The following IFT140 variants were observed in gnomAD, a reference collection of about 807,000 sequenced individuals.
IFT140 encodes intraflagellar transport 140, also known as intraflagellar transport protein 140 homolog.
IFT140 carries 133 observed loss-of-function variants against 164.6 expected under a neutral mutation model. The ratio of observed to expected loss-of-function variants is 0.81; its 90% confidence interval spans 0.70 to 0.93. The LOEUF is 0.93. Among genes scored for constraint, IFT140 ranks in the 40% least tolerant of loss-of-function variants. IFT140 has a pLI of 0.00. For synonymous variants in IFT140, 860 were observed against 817.3 expected (o/e 1.05, Z -0.89); for missense variants, 2,045 against 1,972.3 (o/e 1.04, Z -0.70).
chr16:1,559,672 T>G (rs948568636), intron 18 of IFT140, among the ~76,000 whole-genome samples: 4 of 152,250 alleles, frequency 2.6e-5, no homozygotes, highest in African/African-American at 9.6e-5. Flanking sequence ...TGACCACAGC[T>G]GGCTCCTGAT....
At chr16:1,516,168 A>AAAC (rs1596291185) in intron 30 of IFT140, among the ~76,000 whole-genome samples, 1 of 109,298 alleles carries the variant, frequency 9.1e-6, no homozygotes, top group African/African-American at 4.5e-5. Flanking sequence ...AAAAAAAAAA[A>AAAC]AAAAAAAAAA....
At chr16:1,555,961 C>T (rs1488611434) in intron 19 of IFT140, among the ~76,000 whole-genome samples, 1 of 152,048 alleles carries the variant, frequency 6.6e-6, no homozygotes, top group Admixed American at 6.6e-5. Flanking sequence ...AAAAAATTAG[C>T]CAGGCGTGGT....
At chr16:1,517,072 G>C (rs970267183) in intron 30 of IFT140, among the ~76,000 whole-genome samples, 1 of 151,862 alleles carries the variant, frequency 6.6e-6, no homozygotes, top group African/African-American at 2.4e-5. Context: ...AGGAAAAAAG[G>C]AATAGAAGGG....
At chr16:1,591,733 C>T (rs886538636) in intron 6 of IFT140, among the ~76,000 whole-genome samples, 40 of 152,272 alleles carry the variant, frequency 2.6e-4, no homozygotes, top group African/African-American at 9.6e-4. Context: ...GAAGGCTGGC[C>T]GGGGGCCTCA....
chr16:1,518,705 C>T (rs1429176472), intron 29 of IFT140, among the ~76,000 whole-genome samples: 4 of 151,784 alleles, frequency 2.6e-5, no homozygotes, highest in African/African-American at 7.3e-5. Flanking sequence ...CACGGAGAGG[C>T]GCACGGCACC....
intron 13 of IFT140, among the ~76,000 whole-genome samples, chr16:1,572,650 AAAC>A (rs1286693085): frequency 6.6e-6 from 1 of 152,202 alleles, no homozygotes; most frequent in African/African-American, 2.4e-5. Flanking sequence ...CATCTCAAAG[AAAC>A]AACAACAAAA....
rs1177844986 is a variant in IFT140 at position 1,553,583 on chromosome 16, CAGAG to C, written c.2399+4348_2399+4351del. ...GTTTAATCTGGACCAGTGTAAGTTA[CAGAG>C]AGTCTCTGGCACTTTGGGTACAAGA... On this transcript the variant is annotated intron_variant, in intron 19 of 30. Coordinates refer to ENST00000426508, the MANE Select transcript of IFT140 (RefSeq NM_014714.4). The surrounding 1 kb of genome is among the most constrained non-coding windows in gnomAD (Gnocchi z 4.4). 2.3e-5 allele frequency: 24 copies of C among 1,023,516 alleles called. No homozygotes were observed. Among genetic ancestry groups the C allele is most frequent in the Non-Finnish European group, 2.8e-5 (24 of 851,352 alleles). 63.4% of individuals were successfully genotyped at this position (1,023,516 alleles called of 1,614,324 possible).
At chr16:1,566,379 T>C in intron 15 of IFT140, 88 bp from the exon 16 acceptor site, 1 of 1,345,648 alleles carries the variant, frequency 7.4e-7, no homozygotes, top group South Asian at 1.2e-5. Context: ...ACAGCACATG[T>C]CAAGAGAAAC....
rs73499725 is a variant in IFT140, at chr16:1,591,994, C to T, written c.634+182G>A. 0.027 allele frequency among the ~76,000 whole-genome samples: 4,181 copies of T among 152,316 alleles called. 203 individuals are homozygous for T. Among genetic ancestry groups the T allele is most frequent in the African/African-American group, 0.095 (3,967 of 41,558 alleles). On this transcript the variant is annotated intron_variant, in intron 6 of 30. Transcript: ENST00000426508. ...GAACAAAGCGAGGGCAACATTTCAA[C>T]ACTGGATGGATGGCTGCAGAGAGTG...
At chr16:1,555,214 T>TCATATGACCGTA (rs2032996326) in intron 19 of IFT140, 3 of 734,834 alleles carry the variant, frequency 4.1e-6, no homozygotes, top group Non-Finnish European at 4.3e-6. Flanking sequence ...TCTGTACGTG[T>TCATATGACCGTA]CGTGGGCCAA....
intron 4 of IFT140, among the ~76,000 whole-genome samples, chr16:1,594,704 A>T (rs1416868323): frequency 2.0e-5 from 3 of 152,010 alleles, no homozygotes; most frequent in Non-Finnish European, 4.4e-5. Context: ...GAAGGGGAGG[A>T]CGGCTCCACA....
rs555799779 is a variant in IFT140, at chr16:1,511,083, G to A, written c.4250C>T (p.Pro1417Leu). 2.9e-5 allele frequency: 46 copies of A among 1,610,166 alleles called. No homozygotes were observed. The highest frequency in any genetic ancestry group is 1.8e-4 in the East Asian group (8 of 44,824). The change falls in exon 31 of 31, where the codon CCG (proline) becomes CTG (leucine). Residue 1417 changes from proline (P) to leucine (L), a missense_variant. By Grantham distance (98) the Pro-to-Leu change is moderately conservative (BLOSUM62 -3). Transcript: ENST00000426508. Reference sequence around the variant, plus strand: ...CCGGTGCACGGCGTCCACGGCCTGCGGGCTCACGTAGTAGGACATGTTGGC... The same window carrying A: ...CCGGTGCACGGCGTCCACGGCCTGCAGGCTCACGTAGTAGGACATGTTGGC... ...PLANMSYYVS[P>L]QAVDAVHRGL...
chr16:1,572,509 G>C (rs2034074602), intron 13 of IFT140, among the ~76,000 whole-genome samples: 1 of 152,214 alleles, frequency 6.6e-6, no homozygotes, highest in African/African-American at 2.4e-5. Context: ...AGCCGGGTGT[G>C]GCGGTGGGTG....
At chr16:1,527,086 C>G in intron 19 of IFT140, 1 of 446,320 alleles carries the variant, frequency 2.2e-6, no homozygotes, top group Non-Finnish European at 4.0e-6. Context: ...TTTCCCTGCT[C>G]TAAGCGGCTG....
intron 24 of IFT140, chr16:1,524,323 G>A (rs773395401): frequency 3.1e-6 from 2 of 652,506 alleles, no homozygotes; most frequent in Non-Finnish European, 5.1e-6. Context: ...GAGCCCTGGA[G>A]CCTGGGAAAC....
In IFT140 at chr16:1,586,277, T is replaced by G. The variant is rs2034873466; in HGVS notation, c.1010-2A>C. 1.9e-6 allele frequency: 3 copies of G among 1,610,810 alleles called. No homozygotes were observed. In the South Asian group the frequency reaches 3.3e-5, roughly 18 times the overall value. On this transcript the variant is annotated splice_acceptor_variant, in intron 9 of 30. Coordinates refer to ENST00000426508, the MANE Select transcript of IFT140 (RefSeq NM_014714.4). LOFTEE classifies it high-confidence loss of function. ...TGTCGGTACCAGCGGCCAGAAGACC[T>G]ACAGGTAGAAACAAACTGCATGTGA...
intron 24 of IFT140, 156 bp downstream of exon 24, chr16:1,524,396 G>A: frequency 3.2e-6 from 3 of 943,692 alleles, no homozygotes; most frequent in South Asian, 3.4e-5. Context: ...GGTGGGCAGA[G>A]GGGTGGGCGG....
chr16:1,585,386 G>A (rs1425112453), intron 10 of IFT140, among the ~76,000 whole-genome samples: 1 of 152,208 alleles, frequency 6.6e-6, no homozygotes, highest in East Asian at 1.9e-4. Context: ...GAGAGAGGAG[G>A]TAGATTAGTG....
At position 1,582,591 on chromosome 16, in the gene IFT140, C is replaced by G. The variant is rs535799690; in HGVS notation, c.1432+723G>C. On this transcript the variant is annotated intron_variant, in intron 12 of 30. Transcript: ENST00000426508. ...GCCTCAGGAAACTCCCATAGATGTG[C>G]TGAAGAGAGCAGGAAGAAAACAATG... 1.8e-4 allele frequency among the ~76,000 whole-genome samples: 28 copies of G among 152,392 alleles called. No individual in the cohort carries two copies. The East Asian group carries it at 4.2e-3, about 23-fold the overall frequency.
Sources: gnomAD v4.1 joint callset for allele counts (sites outside exome capture counted in the v4.1 genomes callset) on GRCh38, gnomAD v4.1.1 for gene constraint, Gnocchi (gnomAD v3.1) non-coding constraint, MANE v1.5 for transcripts, NCBI Gene and HGNC (gene_info 2026-07-23, HGNC 2026-07-21) for gene names.